The following GRIK2 variants were observed in gnomAD, a reference collection of about 807,000 sequenced individuals.
The protein encoded by GRIK2 is glutamate ionotropic receptor kainate type subunit 2.
Under a neutral mutation model 100.3 loss-of-function variants are expected in GRIK2, and 32 were observed. The ratio of observed to expected loss-of-function variants is 0.32; its 90% CI spans 0.24 to 0.43. The LOEUF (loss-of-function observed/expected upper bound fraction) is 0.43. Among genes scored for constraint, GRIK2 ranks in the 20% least tolerant of loss-of-function variants. GRIK2 has a pLI of 1.00. For missense variants in GRIK2, 843 were observed against 1,114.9 expected, an observed-to-expected ratio of 0.76 and a Z score of 3.47; for synonymous variants, 417 against 389.4, an observed-to-expected ratio of 1.07 and a Z score of -0.83.
chr6:101,953,316 G>T (rs1051239085), intron 14 of GRIK2, among the ~76,000 whole-genome samples: 1 of 152,132 alleles, frequency 6.6e-6, no homozygotes, highest in Non-Finnish European at 1.5e-5. Flanking sequence ...GTAAATATAT[G>T]TTTAACCATT....
chr6:101,898,256 T>C (rs1309088240), intron 12 of GRIK2, among the ~76,000 whole-genome samples: 2 of 151,794 alleles, frequency 1.3e-5, no homozygotes, highest in Non-Finnish European at 2.9e-5. Flanking sequence ...TGAAGAAGAA[T>C]GTGACACTAA....
chr6:101,994,437 T>A, intron 14 of GRIK2, among the ~76,000 whole-genome samples: 1 of 151,888 alleles, frequency 6.6e-6, no homozygotes. Context: ...GTTTTTCTCT[T>A]GCTCCTGAAT....
chr6:101,636,324 G>T (rs1781010253), intron 4 of GRIK2, among the ~76,000 whole-genome samples: 2 of 151,952 alleles, frequency 1.3e-5, no homozygotes, highest in African/African-American at 2.4e-5. Flanking sequence ...ACACAGAGGG[G>T]GCACATCACA....
At chr6:101,858,612 A>G (rs978041309) in intron 10 of GRIK2, among the ~76,000 whole-genome samples, 1 of 151,708 alleles carries the variant, frequency 6.6e-6, no homozygotes, top group Non-Finnish European at 1.5e-5. Flanking sequence ...GATGGTCTTG[A>G]TCTCCTGACC....
chr6:101,443,160 C>T (rs1430012313), intron 2 of GRIK2, among the ~76,000 whole-genome samples: 2 of 152,020 alleles, frequency 1.3e-5, no homozygotes, highest in African/African-American at 4.8e-5. Context: ...TAAGGAAAGG[C>T]ACCTGGGATA....
In GRIK2 at chr6:101,671,745, T is replaced by G. The variant is rs915009419; in HGVS notation, c.542-4878T>G. Among the ~76,000 whole-genome samples the G allele has an allele frequency of 2.0e-5, 3 of 152,096 alleles. No individual in the cohort carries two copies. The East Asian group carries it at 5.8e-4, about 29-fold the overall frequency. ...CGGGTGTGATGGTGGGCACCTGTAATCCCAGCTACTCGGGAGGCTGAGGCA... is the reference window on the plus strand; with the variant it reads ...CGGGTGTGATGGTGGGCACCTGTAAGCCCAGCTACTCGGGAGGCTGAGGCA... On this transcript the variant is annotated intron_variant, in intron 4 of 16. Coordinates refer to ENST00000369134, the MANE Select transcript of GRIK2 (RefSeq NM_021956.5).
chr6:101,626,058 A>G (rs1335174426), intron 3 of GRIK2, among the ~76,000 whole-genome samples: 1 of 152,112 alleles, frequency 6.6e-6, no homozygotes, highest in Non-Finnish European at 1.5e-5. Context: ...TTCCCCTCAT[A>G]TAAACTAGTC....
intron 2 of GRIK2, among the ~76,000 whole-genome samples, chr6:101,528,084 T>G (rs1333574172): frequency 1.3e-5 from 2 of 152,088 alleles, no homozygotes; most frequent in African/African-American, 4.8e-5. Flanking sequence ...TTTCTTCAAC[T>G]GTAAGATGTG....
chr6:101,458,794 T>C (rs1027170980), intron 2 of GRIK2, among the ~76,000 whole-genome samples: 6 of 152,198 alleles, frequency 3.9e-5, no homozygotes, highest in African/African-American at 1.4e-4. Flanking sequence ...GGTATTACCA[T>C]GTCAAATTTT....
At chr6:101,933,372 GTCTA>G (rs1463997280) in intron 14 of GRIK2, among the ~76,000 whole-genome samples, 3 of 150,926 alleles carry the variant, frequency 2.0e-5, no homozygotes, top group East Asian at 1.9e-4. Context: ...CTGATTACTC[GTCTA>G]TCTCTTTCTT....
chr6:101,448,867 A>G (rs1163295917), intron 2 of GRIK2, among the ~76,000 whole-genome samples: 1 of 151,644 alleles, frequency 6.6e-6, no homozygotes, highest in Non-Finnish European at 1.5e-5. Context: ...AAGGAGCTCT[A>G]AGTTTTAGAA....
At chr6:101,539,626 G>A (rs72957187) in intron 2 of GRIK2, among the ~76,000 whole-genome samples, 6,842 of 151,612 alleles carry the variant, frequency 0.045, 203 homozygotes, top group Non-Finnish European at 0.072. Context: ...GTTTCTAGTG[G>A]GCCTTCTTTT....
intron 2 of GRIK2, among the ~76,000 whole-genome samples, chr6:101,419,559 A>G (rs1442577540): frequency 6.6e-6 from 1 of 152,198 alleles, no homozygotes; most frequent in Non-Finnish European, 1.5e-5. Context: ...CTCTCTACAC[A>G]AGTAGATAAT....
intron 14 of GRIK2, among the ~76,000 whole-genome samples, chr6:102,010,107 A>T (rs562384671): frequency 9.2e-5 from 14 of 152,244 alleles, no homozygotes; most frequent in Admixed American, 1.3e-4. Flanking sequence ...CAGTCAACAC[A>T]CATGCGCAAT....
intron 4 of GRIK2, among the ~76,000 whole-genome samples, chr6:101,636,943 G>A (rs1781049471): frequency 6.6e-6 from 1 of 152,044 alleles, no homozygotes; most frequent in Non-Finnish European, 1.5e-5. Context: ...GGGAAGGATA[G>A]TTCTTGTATC....
chr6:101,855,353 C>A (rs892646253), intron 10 of GRIK2, among the ~76,000 whole-genome samples: 3 of 152,084 alleles, frequency 2.0e-5, no homozygotes, highest in Admixed American at 2.0e-4. Context: ...ATAAACAAAA[C>A]TTCAGATGGG....
chr6:101,547,876 A>G (rs1053308649), intron 2 of GRIK2, among the ~76,000 whole-genome samples: 2 of 152,066 alleles, frequency 1.3e-5, no homozygotes, highest in African/African-American at 2.4e-5. Context: ...CCAGTTCTAG[A>G]TCCCTGAGGA....
chr6:101,477,049 G>A (rs896271521), intron 2 of GRIK2, among the ~76,000 whole-genome samples: 2 of 152,082 alleles, frequency 1.3e-5, no homozygotes, highest in Non-Finnish European at 2.9e-5. Context: ...ACTCTCTATC[G>A]CCTAAAGTAC....
At chr6:101,541,145 C>T (rs1183083924) in intron 2 of GRIK2, among the ~76,000 whole-genome samples, 2 of 151,844 alleles carry the variant, frequency 1.3e-5, no homozygotes, top group Non-Finnish European at 1.5e-5. Flanking sequence ...TTCAAATTTC[C>T]ATGGAAAACC....
Sources: allele counts gnomAD v4.1 joint callset (sites outside exome capture counted in the v4.1 genomes callset), GRCh38; gene constraint gnomAD v4.1.1; transcripts MANE v1.5; gene names NCBI Gene and HGNC (gene_info 2026-07-23, HGNC 2026-07-21).